SPATA6: variants seen among roughly 807,000 people sequenced by gnomAD.
The protein encoded by SPATA6 is spermatogenesis associated 6.
Under a neutral mutation model 65.3 loss-of-function variants are expected in SPATA6, and 56 were observed. The observed-to-expected ratio is 0.86, with a 90% CI of 0.69 to 1.07. The LOEUF (loss-of-function observed/expected upper bound fraction) is 1.07, where lower values mean the gene tolerates loss of function less well. SPATA6 is among the 50% of genes least tolerant of loss of function. The probability of loss-of-function intolerance (pLI) is 0.00; values close to 1 mark genes in which losing one functional copy is unlikely to be tolerated. For missense variants in SPATA6, 590 were observed against 594.8 expected (o/e 0.99, Z 0.08); for synonymous variants, 199 against 213.2 (o/e 0.93, Z 0.58).
intron 11 of SPATA6, among the ~76,000 whole-genome samples, chr1:48,309,950 G>A (rs886304720): frequency 2.0e-5 from 3 of 152,148 alleles, no homozygotes; most frequent in Admixed American, 6.5e-5. Context: ...AAGGTAGGCT[G>A]GAATTGAAAG....
chr1:48,312,008 G>A (rs1025893292), intron 11 of SPATA6, among the ~76,000 whole-genome samples: 1 of 152,188 alleles, frequency 6.6e-6, no homozygotes, highest in African/African-American at 2.4e-5. Context: ...CAAGGTGGCA[G>A]CGAGGCTGGG....
intron 3 of SPATA6, among the ~76,000 whole-genome samples, chr1:48,442,500 G>A (rs1655590885): frequency 1.3e-5 from 2 of 151,742 alleles, no homozygotes; most frequent in South Asian, 4.2e-4. Context: ...GGCTGGCAGA[G>A]GCAGGGAAAG....
Position 48,389,034 on chromosome 1 carries a change from G to A in SPATA6, c.869-3685C>T, listed in dbSNP as rs141193643. 6.9e-3 allele frequency among the ~76,000 whole-genome samples: 1,054 copies of A among 152,114 alleles called. 14 individuals carry two copies. Among genetic ancestry groups the A allele is most frequent in the African/African-American group, 0.024 (1,010 of 41,486 alleles). The stretch of plus-strand genomic sequence containing the variant: ...CCAAGTAGCTATTTTTAGTAGAGAT[G>A]GGGTTTCACCATGTTGGCCAGGCTG... On this transcript the variant is annotated intron_variant, in intron 8 of 12. Transcript: ENST00000371847.
intron 11 of SPATA6, among the ~76,000 whole-genome samples, chr1:48,319,198 G>T (rs1032724578): frequency 1.3e-5 from 2 of 152,076 alleles, no homozygotes; most frequent in Non-Finnish European, 2.9e-5. Context: ...TATGTCCCTA[G>T]ACTAAGCAAC....
chr1:48,325,941 G>A, intron 11 of SPATA6: 1 of 277,468 alleles, frequency 3.6e-6, no homozygotes, highest in Non-Finnish European at 7.6e-6. Flanking sequence ...GGTGTTCAGT[G>A]GTAAAGTCAC....
intron 8 of SPATA6, among the ~76,000 whole-genome samples, chr1:48,392,465 T>C (rs1317318763): frequency 1.3e-5 from 2 of 152,148 alleles, no homozygotes; most frequent in African/African-American, 4.8e-5. Flanking sequence ...TAGAATTATA[T>C]AACATGGCAG....
chr1:48,436,236 T>C, intron 3 of SPATA6: 1 of 1,613,628 alleles, frequency 6.2e-7, no homozygotes, highest in South Asian at 1.1e-5. Context: ...CTATAAAAAT[T>C]ACAAATCTGG....
chr1:48,360,518 G>C (rs1646781677), intron 9 of SPATA6, among the ~76,000 whole-genome samples: 1 of 151,540 alleles, frequency 6.6e-6, no homozygotes, highest in African/African-American at 2.4e-5. Context: ...TGCCAGAAGA[G>C]AGAAAAATAA....
chr1:48,411,587 C>CA lies in SPATA6; in HGVS notation c.281dup (p.Glu96Ter). ...CGTCATACGTAGACAGTGTTTCACC[C>CA]ACTACAAGAAAGATACCCTATGATT... On this transcript the variant is annotated frameshift_variant and splice_region_variant, in exon 5 of 13. Coordinates refer to ENST00000371847, the MANE Select transcript of SPATA6 (RefSeq NM_019073.4). LOFTEE classifies it high-confidence loss of function. 1 of 1,578,118 alleles carries CA rather than the reference C, an allele frequency of 6.3e-7. No individual in the cohort carries two copies. The highest frequency in any genetic ancestry group is 1.2e-5 in the South Asian group (1 of 81,584).
intron 11 of SPATA6, among the ~76,000 whole-genome samples, chr1:48,349,435 C>T (rs576988423): frequency 1.3e-5 from 2 of 152,080 alleles, no homozygotes; most frequent in South Asian, 2.1e-4. Context: ...ACATGTCTTA[C>T]ATTTTAATAT....
chr1:48,289,277 GA>G, the SPATA6 span, among the ~76,000 whole-genome samples: 3 of 152,240 alleles, frequency 2.0e-5, no homozygotes, highest in Non-Finnish European at 4.4e-5. Flanking sequence ...ACCTGCAGCT[GA>G]GGGTCCTGAC....
At chr1:48,358,697 C>T (rs906346288) in intron 10 of SPATA6, among the ~76,000 whole-genome samples, 4 of 152,040 alleles carry the variant, frequency 2.6e-5, no homozygotes, top group Admixed American at 6.6e-5. Context: ...TGTGTGTGTG[C>T]GCACCTATGT....
chr1:48,361,393 T>C (rs185473817), intron 9 of SPATA6, among the ~76,000 whole-genome samples: 1 of 152,216 alleles, frequency 6.6e-6, no homozygotes, highest in Admixed American at 6.5e-5. Flanking sequence ...AGACAGACCT[T>C]TGGATGTTAG....
chr1:48,409,823 C>A (rs1371593663), intron 5 of SPATA6, among the ~76,000 whole-genome samples: 1 of 152,212 alleles, frequency 6.6e-6, no homozygotes, highest in African/African-American at 2.4e-5. Context: ...AGACACAGCA[C>A]CAAGTCCCTA....
chr1:48,399,230 G>A, intron 7 of SPATA6, 121 bp downstream of exon 7: 2 of 1,154,160 alleles, frequency 1.7e-6, no homozygotes, highest in Non-Finnish European at 2.4e-6. Context: ...TGCTAGGGTA[G>A]CAGTCAGAAG....
At chr1:48,359,374 T>C (rs576004747) in intron 10 of SPATA6, among the ~76,000 whole-genome samples, 1 of 152,328 alleles carries the variant, frequency 6.6e-6, no homozygotes, top group Admixed American at 6.5e-5. Flanking sequence ...GTGACCCATA[T>C]CTGGTTAATA....
chr1:48,428,703 G>T (rs1654074487), intron 3 of SPATA6, among the ~76,000 whole-genome samples: 1 of 151,102 alleles, frequency 6.6e-6, no homozygotes, highest in Admixed American at 6.6e-5. Flanking sequence ...CTCAGGAGCG[G>T]CAGAGACAGA....
chr1:48,267,077 T>C, the SPATA6 span, among the ~76,000 whole-genome samples: 79 of 152,066 alleles, frequency 5.2e-4, no homozygotes, highest in Non-Finnish European at 9.9e-4. Flanking sequence ...ATAATAATAA[T>C]AATAATAAAT....
At chr1:48,460,717 AAAATATAAAGTCAATATATACCGGTAAG>A (rs149564244) in intron 1 of SPATA6, among the ~76,000 whole-genome samples, 59,770 of 151,972 alleles carry the variant, frequency 0.39, 13,488 homozygotes, top group Middle Eastern at 0.53. Context: ...TCACAGTCAC[AAAATATAAAGTCAATATATACCGGTAAG>A]AATGAAAATT....
Sources: allele counts gnomAD v4.1 joint callset (sites outside exome capture counted in the v4.1 genomes callset), GRCh38; gene constraint gnomAD v4.1.1; transcripts MANE v1.5; gene names NCBI Gene and HGNC (gene_info 2026-07-23, HGNC 2026-07-21).